Variants in TPM4 observed in about 807,000 individuals in gnomAD.
The protein encoded by TPM4 is tropomyosin 4, also known as tropomyosin alpha-4 chain.
Under a neutral mutation model 35.8 loss-of-function variants are expected in TPM4, and 17 were observed. That is an observed-to-expected ratio of 0.47 (90% CI 0.32 to 0.71). The LOEUF is 0.71. Among genes scored for constraint, TPM4 ranks in the 30% least tolerant of loss-of-function variants. The pLI, the probability that TPM4 is intolerant of heterozygous loss-of-function variation, is 0.03. For synonymous variants in TPM4, 120 were observed against 122.9 expected, an observed-to-expected ratio of 0.98 and a Z score of 0.15; for missense variants, 240 against 320.9, an observed-to-expected ratio of 0.75 and a Z score of 1.93.
At chr19:16,100,348 A>G (rs1407893167) in intron 7 of TPM4, 2 of 152,242 alleles carry the variant, frequency 1.3e-5, no homozygotes, top group Non-Finnish European at 2.9e-5. Context: ...TCATAAGTAT[A>G]TCTCTTGCAT....
chr19:16,098,930 T>C (rs1238687969), intron 7 of TPM4, among the ~76,000 whole-genome samples: 1 of 152,190 alleles, frequency 6.6e-6, no homozygotes, highest in Non-Finnish European at 1.5e-5. Context: ...ATATCTCTGT[T>C]ATGAGGATTA....
chr19:16,087,782 G>GA (rs768768814), intron 3 of TPM4, among the ~76,000 whole-genome samples: 2 of 152,170 alleles, frequency 1.3e-5, no homozygotes, highest in Non-Finnish European at 2.9e-5. Flanking sequence ...TTGGAAGGCT[G>GA]AGGCAGGAGA....
rs34021207 is a variant in TPM4, at chr19:16,093,173, G to GTT, written c.532-354_532-353dup. The GTT allele has an allele frequency of 4.3e-3, 765 of 179,676 alleles. 1 individual carries two copies. Among genetic ancestry groups the GTT allele is most frequent in the East Asian group, 0.018 (113 of 6,250 alleles). The allele number at this position is 179,676 out of a possible 1,614,324, so 11.1% of individuals were successfully genotyped here. On this transcript the variant is annotated intron_variant, in intron 5 of 7. Coordinates refer to ENST00000643579, the MANE Select transcript of TPM4 (RefSeq NM_003290.3). Reference sequence around the variant, plus strand: ...CCCAGCCCTCCTTTTCTTTCTTTCTGTTTTTTTTTTGTTTTTGTTGTTGTT... The same window carrying GTT: ...CCCAGCCCTCCTTTTCTTTCTTTCTGTTTTTTTTTTTTGTTTTTGTTGTTGTT...
chr19:16,077,178 A>AG (rs1224165916), intron 1 of TPM4: 1 of 144,256 alleles, frequency 6.9e-6, no homozygotes, highest in African/African-American at 2.6e-5. Flanking sequence ...GGATCTGGGG[A>AG]GGGGGTCGCA....
chr19:16,101,236 C>T, intron 7 of TPM4, 28 bp from the exon 8 acceptor site: 1 of 1,516,230 alleles, frequency 6.6e-7, no homozygotes, highest in Non-Finnish European at 8.9e-7. Context: ...ATTAATTTAT[C>T]TTTCCCCATA....
intron 1 of TPM4, 77 bp downstream of exon 1, chr19:16,076,774 C>T (rs2090412729): frequency 2.3e-6 from 3 of 1,282,440 alleles, no homozygotes; most frequent in Admixed American, 4.3e-5. Flanking sequence ...GCTTCCCGCG[C>T]TGCCCGCCCG....
At chr19:16,095,209 T>G in intron 7 of TPM4, 1 of 1,010,268 alleles carries the variant, frequency 9.9e-7, no homozygotes, top group Non-Finnish European at 1.2e-6. Context: ...TTCCGACCCT[T>G]GCCTTCTGTC....
intron 5 of TPM4, among the ~76,000 whole-genome samples, chr19:16,089,966 C>A (rs960860067): frequency 1.1e-4 from 16 of 151,932 alleles, no homozygotes; most frequent in Non-Finnish European, 2.1e-4. Context: ...TCAAGCAATT[C>A]TCCCACCTCA....
intron 3 of TPM4, among the ~76,000 whole-genome samples, 188 bp downstream of exon 3, chr19:16,086,728 T>C (rs2090559131): frequency 6.6e-6 from 1 of 152,186 alleles, no homozygotes; most frequent in Non-Finnish European, 1.5e-5. Flanking sequence ...CAGAAAGTGC[T>C]GCGGACGCTT....
chr19:16,094,139 G>A (rs1187901565), intron 7 of TPM4, among the ~76,000 whole-genome samples: 1 of 151,620 alleles, frequency 6.6e-6, no homozygotes, highest in African/African-American at 2.4e-5. Flanking sequence ...TAATTGAATT[G>A]CCACTTTCAG....
rs1599353697 is a variant in TPM4, at chr19:16,067,904, C to T, written c.114+166C>T. 1.6e-6 allele frequency: 1 copy of T among 622,676 alleles called. No homozygotes were observed. Among genetic ancestry groups the T allele is most frequent in the East Asian group, 3.3e-5 (1 of 30,556 alleles). 38.6% of individuals were successfully genotyped at this position (622,676 alleles called of 1,614,324 possible). A position where few individuals can be genotyped will look rare whatever the true frequency, so the allele number is the denominator to read the frequency against. On this transcript the variant is annotated intron_variant, in intron 2 of 2. Transcript: ENST00000589897. The surrounding 1 kb of genome is among the most constrained non-coding windows in gnomAD (Gnocchi z 4.1). ...GACCATTGCCTTCCTTGGATGGGGT[C>T]CTGGGCTGGAAGAGGGGTGACGATC... is the stretch of plus-strand genomic sequence containing the variant.
At chr19:16,079,341 C>T (rs896795191) in intron 1 of TPM4, among the ~76,000 whole-genome samples, 3 of 152,206 alleles carry the variant, frequency 2.0e-5, no homozygotes, top group Non-Finnish European at 2.9e-5. Flanking sequence ...TCCTGGAATT[C>T]GATAATGGTG....
rs2090409716 is a variant in TPM4, at chr19:16,076,584, C to CT, written c.20dup (p.Glu8GlyfsTer39). 1 of 1,469,674 alleles carries CT rather than the reference C, an allele frequency of 6.8e-7. No homozygotes were observed. Among genetic ancestry groups the CT allele is most frequent in the Admixed American group, 2.4e-5 (1 of 40,948 alleles). The allele number at this position is 1,469,674 out of a possible 1,614,324, so 91.0% of individuals were successfully genotyped here. A position where few individuals can be genotyped will look rare whatever the true frequency, so the allele number is the denominator to read the frequency against. On this transcript the variant is annotated frameshift_variant, in exon 1 of 8. Coordinates refer to ENST00000643579, the MANE Select transcript of TPM4 (RefSeq NM_003290.3). LOFTEE classifies it high-confidence loss of function. ...CCGCGCCATGGCCGGCCTCAACTCC[C>CT]TGGAGGCGGTGAAACGCAAGATCCA...
In TPM4 at chr19:16,067,787, G is replaced by A; in HGVS notation, c.114+49G>A. 6.4e-7 allele frequency: 1 copy of A among 1,568,450 alleles called. No individual in the cohort carries two copies. Among genetic ancestry groups the A allele is most frequent in the Non-Finnish European group, 8.6e-7 (1 of 1,156,334 alleles). ...CTCCGGGCTGCTGGGAGTCCTCTCT[G>A]TGCGGAAGGCCGGGGTCTGGAGCCC... is the stretch of plus-strand genomic sequence containing the variant. On this transcript the variant is annotated intron_variant, in intron 2 of 2. Coordinates refer to the TPM4 transcript ENST00000589897. The surrounding 1 kb of genome is among the most constrained non-coding windows in gnomAD (Gnocchi z 4.1).
chr19:16,081,814 C>T lies in TPM4; in HGVS notation c.133-99C>T, dbSNP rs1599368909. ...GCCTGGACTCCTGGGTGGGCTTTGA[C>T]GGGGAAGATCAGGTTAACAGAGGGC... On this transcript the variant is annotated intron_variant, in intron 1 of 7. Coordinates refer to ENST00000643579, the MANE Select transcript of TPM4 (RefSeq NM_003290.3). The T allele has an allele frequency of 3.2e-5, 45 of 1,400,432 alleles. No individual in the cohort carries two copies. The East Asian group carries it at 8.2e-4, about 26-fold the overall frequency. 86.8% of individuals were successfully genotyped at this position (1,400,432 alleles called of 1,614,324 possible). A position where few individuals can be genotyped will look rare whatever the true frequency, so the allele number is the denominator to read the frequency against.
At position 16,076,881 on chromosome 19, in the gene TPM4, C is replaced by T. The variant is rs2090414841; in HGVS notation, c.132+184C>T. 5 of 1,217,480 alleles carry T rather than the reference C, an allele frequency of 4.1e-6. No homozygotes were observed. The African/African-American group carries it at 4.7e-5, about 12-fold the overall frequency. The allele number at this position is 1,217,480 out of a possible 1,614,324, so 75.4% of individuals were successfully genotyped here. ...CAGGACCCCCTACTTCCTCCGCCGTCCTCCTTCCTGGGCCTGGGACAGGGG... is the reference window on the plus strand; with the variant it reads ...CAGGACCCCCTACTTCCTCCGCCGTTCTCCTTCCTGGGCCTGGGACAGGGG... On this transcript the variant is annotated intron_variant, in intron 1 of 7. Coordinates refer to ENST00000643579, the MANE Select transcript of TPM4 (RefSeq NM_003290.3).
chr19:16,074,540 C>T (rs2090385753), upstream of TPM4: 1 of 152,246 alleles, frequency 6.6e-6, no homozygotes, highest in South Asian at 2.1e-4. Context: ...GGCCCCATCA[C>T]CAATTACCAT....
intron 1 of TPM4, among the ~76,000 whole-genome samples, chr19:16,077,572 G>C (rs1316685117): frequency 6.6e-6 from 1 of 152,222 alleles, no homozygotes; most frequent in South Asian, 2.1e-4. Context: ...TCTGGGGACA[G>C]ATTTGGATTC....
chr19:16,093,952 CTTTTTTTTTT>C (rs35095689), intron 7 of TPM4, among the ~76,000 whole-genome samples, 199 bp downstream of exon 7: 2 of 108,792 alleles, frequency 1.8e-5, no homozygotes, highest in Non-Finnish European at 3.6e-5. Context: ...TTGAATGGCC[CTTTTTTTTTT>C]TTTTTTTTTT....
Sources: gnomAD v4.1 joint callset for allele counts (sites outside exome capture counted in the v4.1 genomes callset) on GRCh38, gnomAD v4.1.1 for gene constraint, Gnocchi (gnomAD v3.1) non-coding constraint, MANE v1.5 for transcripts, NCBI Gene and HGNC (gene_info 2026-07-23, HGNC 2026-07-21) for gene names.